Variants in DNAJC6 observed in about 807,000 individuals in gnomAD.
DNAJC6 encodes auxilin.
DNAJC6 carries 34 observed loss-of-function variants against 110.0 expected under a neutral mutation model. The ratio of observed to expected loss-of-function variants is 0.31; its 90% CI spans 0.24 to 0.41. DNAJC6 has a LOEUF of 0.41. DNAJC6 is among the 10% of genes least tolerant of loss of function. The pLI is 1.00. For synonymous variants in DNAJC6, 406 were observed against 437.2 expected, an observed-to-expected ratio of 0.93 and a Z score of 0.89; for missense variants, 1,031 against 1,207.8, an observed-to-expected ratio of 0.85 and a Z score of 2.17.
chr1:65,395,181 CAT>C, intron 13 of DNAJC6, 149 bp downstream of exon 13: 1 of 891,390 alleles, frequency 1.1e-6, no homozygotes, highest in Non-Finnish European at 1.6e-6. Flanking sequence ...CTCACCTTAA[CAT>C]ATCAAAATCT....
chr1:65,362,566 G>A (rs888179220), intron 1 of DNAJC6, among the ~76,000 whole-genome samples: 1 of 152,154 alleles, frequency 6.6e-6, no homozygotes. Context: ...TAGGTACCAT[G>A]CCAACAGCTT....
exon 1 of DNAJC6, chr1:65,264,798 C>T: frequency 6.5e-7 from 1 of 1,541,758 alleles, no homozygotes. Flanking sequence ...AGTGCTCCTC[C>T]GTTGAGAGAC....
chr1:65,368,870 G>T (rs1357346246), intron 4 of DNAJC6, among the ~76,000 whole-genome samples: 1 of 151,018 alleles, frequency 6.6e-6, no homozygotes, highest in Non-Finnish European at 1.5e-5. Flanking sequence ...CGCCTCCTGG[G>T]TTCTGATTCT....
intron 1 of DNAJC6, among the ~76,000 whole-genome samples, chr1:65,314,886 A>C (rs950182787): frequency 1.4e-4 from 21 of 152,256 alleles, no homozygotes; most frequent in African/African-American, 4.8e-4. Context: ...AAGATACGTC[A>C]ATTTAAGTTT....
chr1:65,361,014 G>A (rs1011688236), intron 1 of DNAJC6, among the ~76,000 whole-genome samples: 1 of 152,198 alleles, frequency 6.6e-6, no homozygotes, highest in African/African-American at 2.4e-5. Flanking sequence ...CCTGAGCTGA[G>A]TGAAGATGTA....
upstream of DNAJC6, among the ~76,000 whole-genome samples, chr1:65,307,132 T>A (rs1645052115): frequency 6.6e-6 from 1 of 151,612 alleles, no homozygotes; most frequent in African/African-American, 2.4e-5. Context: ...CATTGATAAG[T>A]ATATGAATTT....
intron 1 of DNAJC6, among the ~76,000 whole-genome samples, chr1:65,301,255 G>A (rs1476154267): frequency 6.6e-6 from 1 of 152,130 alleles, no homozygotes; most frequent in East Asian, 1.9e-4. Context: ...CACACTCAAA[G>A]TGCCTTTTCT....
At chr1:65,339,774 G>A (rs1013410153) in intron 1 of DNAJC6, among the ~76,000 whole-genome samples, 1 of 152,126 alleles carries the variant, frequency 6.6e-6, no homozygotes, top group Non-Finnish European at 1.5e-5. Context: ...GAGGAAAGAA[G>A]GCACTTGCAG....
upstream of DNAJC6, among the ~76,000 whole-genome samples, chr1:65,305,015 A>C (rs979832513): frequency 3.3e-5 from 5 of 152,394 alleles, no homozygotes; most frequent in Middle Eastern, 6.8e-3. Context: ...TTATTCAATA[A>C]GGAGATAATC....
chr1:65,328,557 A>G (rs1645260743), intron 1 of DNAJC6, among the ~76,000 whole-genome samples: 1 of 152,104 alleles, frequency 6.6e-6, no homozygotes, highest in African/African-American at 2.4e-5. Context: ...GTTCCACACT[A>G]TTTTCTCAAC....
chr1:65,319,485 G>A (rs1239680655), intron 1 of DNAJC6, among the ~76,000 whole-genome samples: 2 of 152,186 alleles, frequency 1.3e-5, no homozygotes, highest in African/African-American at 2.4e-5. Context: ...TGTCTGTATC[G>A]GGTGGCCCCT....
chr1:65,344,249 G>C lies in DNAJC6; in HGVS notation c.194-20386G>C, dbSNP rs562023367. ...CCTTACAATAATGAATGATGGCAAA[G>C]AGTCAAAGATAGGATGATGATAATG... On this transcript the variant is annotated intron_variant, in intron 1 of 18. Coordinates refer to ENST00000371069, the MANE Select transcript of DNAJC6 (RefSeq NM_001256864.2). 1.7e-3 allele frequency among the ~76,000 whole-genome samples: 252 copies of C among 152,332 alleles called. 2 individuals carry two copies. The highest frequency in any genetic ancestry group is 2.9e-3 in the Non-Finnish European group (200 of 68,020).
chr1:65,272,335 G>C (rs2101160419), intron 1 of DNAJC6, among the ~76,000 whole-genome samples: 1 of 152,296 alleles, frequency 6.6e-6, no homozygotes, highest in South Asian at 2.1e-4. Context: ...CTGTTAATAT[G>C]GTGAATTTCA....
chr1:65,389,739 A>C, intron 11 of DNAJC6, 112 bp downstream of exon 11: 1 of 1,178,694 alleles, frequency 8.5e-7, no homozygotes, highest in Non-Finnish European at 1.2e-6. Flanking sequence ...AGGTCATTCA[A>C]TCCAGGCACA....
At chr1:65,280,793 G>A (rs1653819420) in intron 1 of DNAJC6, among the ~76,000 whole-genome samples, 1 of 152,114 alleles carries the variant, frequency 6.6e-6, no homozygotes, top group Non-Finnish European at 1.5e-5. Flanking sequence ...GTAAACATGG[G>A]AGAAGTGGGT....
intron 1 of DNAJC6, among the ~76,000 whole-genome samples, chr1:65,363,421 A>G (rs1035408279): frequency 8.4e-5 from 10 of 119,078 alleles, no homozygotes; most frequent in African/African-American, 2.8e-4. Flanking sequence ...ACAGAGAGAG[A>G]GAGAGACAGA....
At chr1:65,310,842 A>G (rs1045325692) in intron 1 of DNAJC6, among the ~76,000 whole-genome samples, 1 of 152,174 alleles carries the variant, frequency 6.6e-6, no homozygotes, top group Non-Finnish European at 1.5e-5. Context: ...AGAGATATTT[A>G]TAATTGAAGT....
At chr1:65,372,801 T>C (rs1645720027) in intron 4 of DNAJC6, among the ~76,000 whole-genome samples, 1 of 152,182 alleles carries the variant, frequency 6.6e-6, no homozygotes, top group African/African-American at 2.4e-5. Flanking sequence ...AGCGTTTCTG[T>C]CTGTGAGTAT....
chr1:65,349,936 A>T (rs561297460), intron 1 of DNAJC6, among the ~76,000 whole-genome samples: 1 of 152,194 alleles, frequency 6.6e-6, no homozygotes, highest in South Asian at 2.1e-4. Context: ...ATAGGAGAGG[A>T]TATTACTTGA....
Sources: gnomAD v4.1 joint callset for allele counts (sites outside exome capture counted in the v4.1 genomes callset) on GRCh38, gnomAD v4.1.1 for gene constraint, MANE v1.5 for transcripts, NCBI Gene and HGNC (gene_info 2026-07-23, HGNC 2026-07-21) for gene names.